ATF5: variants seen among roughly 807,000 people sequenced by gnomAD.
The protein encoded by ATF5 is activating transcription factor 5.
Under a neutral mutation model 4.6 loss-of-function variants are expected in ATF5, and 6 were observed. That is an observed-to-expected ratio of 1.31 (90% confidence interval 0.72 to 2.59). ATF5 has a LOEUF of 2.59. Among genes scored for constraint, ATF5 ranks in the 30% most tolerant of loss-of-function variants. ATF5 has a pLI of 0.00. For missense variants in ATF5, 410 were observed against 368.7 expected, an observed-to-expected ratio of 1.11 and a Z score of -0.92; for synonymous variants, 193 against 165.0, an observed-to-expected ratio of 1.17 and a Z score of -1.30.
chr19:49,932,612 A>G lies in ATF5; in HGVS notation c.369A>G (p.Pro123=), dbSNP rs576627762. ...EDFFLDAPPL[P]PPSPPPLPPP... ...TCTTCCTAGATGCCCCGCCCCTCCC[A>G]CCACCCTCCCCGCCGCCACTACCAC... is the stretch of plus-strand genomic sequence containing the variant. The change falls in exon 3 of 3, where the codon CCA becomes CCG. Residue 123 remains proline (P), a synonymous_variant. Transcript: ENST00000423777. 22 of 982,966 alleles carry G rather than the reference A, an allele frequency of 2.2e-5. No homozygotes were observed. The highest frequency in any genetic ancestry group is 2.9e-5 in the Non-Finnish European group (21 of 723,150). 60.9% of individuals were successfully genotyped at this position (982,966 alleles called of 1,614,324 possible).
upstream of ATF5, chr19:49,929,027 G>A (rs563914335): frequency 1.3e-5 from 2 of 152,358 alleles, no homozygotes; most frequent in African/African-American, 2.4e-5. Context: ...CAGCTGAGAG[G>A]GAGGAGGGTC....
chr19:49,930,691 A>C lies in ATF5; in HGVS notation c.-119-41A>C, dbSNP rs1600588819. 3 of 526,160 alleles carry C rather than the reference A, an allele frequency of 5.7e-6. No homozygotes were observed. The East Asian group carries it at 1.0e-4, about 18-fold the overall frequency. The allele number at this position is 526,160 out of a possible 1,614,324, so 32.6% of individuals were successfully genotyped here. ...TCCCCTTGATTTTGGCCGGTGGATG[A>C]CGCTGTCCTGACCACACCCACTCTT... On this transcript the variant is annotated intron_variant, in intron 1 of 2. Transcript: ENST00000423777.
Position 49,930,986 on chromosome 19 carries a change from G to A in ATF5, c.136G>A (p.Ala46Thr). The A allele has an allele frequency of 1.9e-6, 3 of 1,573,018 alleles. No homozygotes were observed. Among genetic ancestry groups the A allele is most frequent in the Non-Finnish European group, 2.6e-6 (3 of 1,159,904 alleles). Reference protein sequence around the residue: ...PLAPYEVLGGALEGGLPVGGE... With the variant: ...PLAPYEVLGGTLEGGLPVGGE... ...GGCTCCCTATGAGGTCCTTGGGGGAGCCCTGGAGGGCGGGCTTCCAGTGGG... is the reference window on the plus strand; with the variant it reads ...GGCTCCCTATGAGGTCCTTGGGGGAACCCTGGAGGGCGGGCTTCCAGTGGG... Residue 46 changes from alanine to threonine, a missense_variant, in exon 2 of 3, where the codon GCC becomes ACC. Ala to Thr is a moderately conservative substitution (Grantham distance 58, BLOSUM62 0). Coordinates refer to ENST00000423777, the MANE Select transcript of ATF5 (RefSeq NM_001193646.2).
chr19:49,932,529 C>G lies in ATF5; in HGVS notation c.286C>G (p.Pro96Ala). ...GTLPQPSPTP[P>A]DLEAMASLLK... Reference sequence around the variant, plus strand: ...CCTCCCCCAACCTTCCCCAACCCCACCTGACCTGGAAGCTATGGCCTCCCT... The same window carrying G: ...CCTCCCCCAACCTTCCCCAACCCCAGCTGACCTGGAAGCTATGGCCTCCCT... Residue 96 changes from proline (P) to alanine (A), a missense_variant, in exon 3 of 3, where the codon CCT becomes GCT. By Grantham distance (27) the Pro-to-Ala change is conservative (BLOSUM62 -1). Coordinates refer to ENST00000423777, the MANE Select transcript of ATF5 (RefSeq NM_001193646.2). 1 of 1,607,746 alleles carries G rather than the reference C, an allele frequency of 6.2e-7. No homozygotes were observed. Among genetic ancestry groups the G allele is most frequent in the African/African-American group, 1.3e-5 (1 of 74,252 alleles).
chr19:49,933,063 G>A lies in ATF5; in HGVS notation c.820G>A (p.Ala274Thr), dbSNP rs977869005. 1.9e-6 allele frequency: 3 copies of A among 1,600,050 alleles called. No individual in the cohort carries two copies. The highest frequency in any genetic ancestry group is 2.6e-6 in the Non-Finnish European group (3 of 1,169,380). The change falls in exon 3 of 3, where the codon GCC becomes ACC. Residue 274 changes from alanine to threonine, a missense_variant. By Grantham distance (58) the Ala-to-Thr change is moderately conservative. Transcript: ENST00000423777. ...GGACCTGCTCATCGAGGTTTACAAG[G>A]CCCGGAGCCAGAGGACCCGTAGCTG... ...VKDLLIEVYK[A>T]RSQRTRSC
chr19:49,930,457 G>GTTTTT lies in ATF5; in HGVS notation c.-119-269_-119-265dup, dbSNP rs773330574. The GTTTTT allele has an allele frequency of 2.0e-3, 209 of 104,276 alleles. 1 individual carries two copies. Among genetic ancestry groups the GTTTTT allele is most frequent in the African/African-American group, 7.4e-3 (175 of 23,634 alleles). The allele number at this position is 104,276 out of a possible 1,614,324, so 6.5% of individuals were successfully genotyped here. On this transcript the variant is annotated intron_variant, in intron 1 of 2. Coordinates refer to ENST00000423777, the MANE Select transcript of ATF5 (RefSeq NM_001193646.2). ...GGTAATTCCCCTGGGAGACCTTTAG[G>GTTTTT]TTTTTTTTTTCTGTATTGGGGGAAG...
In ATF5 at chr19:49,930,686, G is replaced by A. The variant is rs1015348659; in HGVS notation, c.-119-46G>A. On this transcript the variant is annotated intron_variant, in intron 1 of 2. Transcript: ENST00000423777. ...TGGCTTCCCCTTGATTTTGGCCGGT[G>A]GATGACGCTGTCCTGACCACACCCA... 7.2e-5 allele frequency: 34 copies of A among 472,796 alleles called. No homozygotes were observed. In the Admixed American group the frequency reaches 1.4e-3, roughly 19 times the overall value. The allele number at this position is 472,796 out of a possible 1,614,324, so 29.3% of individuals were successfully genotyped here.
rs775152136 is a variant in ATF5 at position 49,933,136 on chromosome 19, C to T, written c.*44C>T. ...TCTGGGGGCTGGTCTTCAGCTCTGG[C>T]GCCTTCATCCCCCTGCCTCTACCTT... On this transcript the variant is annotated 3_prime_UTR_variant, in exon 3 of 3. Coordinates refer to ENST00000423777, the MANE Select transcript of ATF5 (RefSeq NM_001193646.2). The T allele has an allele frequency of 3.9e-5, 59 of 1,509,002 alleles. No individual in the cohort carries two copies. The highest frequency in any genetic ancestry group is 4.7e-5 in the East Asian group (2 of 42,814). 93.5% of individuals were successfully genotyped at this position (1,509,002 alleles called of 1,614,324 possible).
chr19:49,930,777 C>T lies in ATF5; in HGVS notation c.-74C>T, dbSNP rs2076047656. On this transcript the variant is annotated 5_prime_UTR_variant, in exon 2 of 3. Coordinates refer to ENST00000423777, the MANE Select transcript of ATF5 (RefSeq NM_001193646.2). ...TGCCTGTCTTCGCCCACCTGAGCAT[C>T]CTCCAGAGCCTCGTGCCAGCTGCTG... The T allele has an allele frequency of 3.0e-6, 4 of 1,341,756 alleles. No individual in the cohort carries two copies. The highest frequency in any genetic ancestry group is 1.6e-5 in the South Asian group (1 of 62,564). The allele number at this position is 1,341,756 out of a possible 1,614,324, so 83.1% of individuals were successfully genotyped here. A position where few individuals can be genotyped will look rare whatever the true frequency, so the allele number is the denominator to read the frequency against.
chr19:49,932,506 T>G lies in ATF5; in HGVS notation c.263T>G (p.Leu88Arg). ...PLEPPLPPGT[L>R]PQPSPTPPDL... ...GAGCCTCCCTTACCCCCCGGCACCC[T>G]CCCCCAACCTTCCCCAACCCCACCT... The change falls in exon 3 of 3, where the codon CTC becomes CGC. Residue 88 changes from leucine (L) to arginine (R), a missense_variant. Transcript: ENST00000423777. The G allele has an allele frequency of 1.7e-6, 1 of 588,972 alleles. No homozygotes were observed. The highest frequency in any genetic ancestry group is 2.5e-6 in the Non-Finnish European group (1 of 403,564). 36.5% of individuals were successfully genotyped at this position (588,972 alleles called of 1,614,324 possible).
Position 49,929,350 on chromosome 19 carries a change from CTTCT to C in ATF5, c.-164_-161del, listed in dbSNP as rs2076009526. 1 of 154,570 alleles carries C rather than the reference CTTCT, an allele frequency of 6.5e-6. No individual in the cohort carries two copies. Among genetic ancestry groups the C allele is most frequent in the Non-Finnish European group, 1.4e-5 (1 of 69,902 alleles). 9.6% of individuals were successfully genotyped at this position (154,570 alleles called of 1,614,324 possible). ...CCACGCCTGCGCTCTCCGCTCCCAC[CTTCT>C]TTCTTCAGCCGAGGCCGCCGCCGCC... is the stretch of plus-strand genomic sequence containing the variant. On this transcript the variant is annotated 5_prime_UTR_variant, in exon 1 of 3. Coordinates refer to ENST00000423777, the MANE Select transcript of ATF5 (RefSeq NM_001193646.2).
chr19:49,931,583 GCTGCAGTGAGCCAAGATGATGCCA>G (rs1473188632), intron 2 of ATF5, among the ~76,000 whole-genome samples: 1 of 152,084 alleles, frequency 6.6e-6, no homozygotes, highest in African/African-American at 2.4e-5. Flanking sequence ...GGAGGTCTAG[GCTGCAGTGAGCCAAGATGATGCCA>G]CTGCACTGCA....
rs1193313064 is a variant in ATF5, at chr19:49,932,941, G to C, written c.698G>C (p.Gly233Ala). ...LRYRQRKRAEGEALEGECQGL... is the reference protein window; with the variant it reads ...LRYRQRKRAEAEALEGECQGL... ...TACCGCCAGCGGAAGCGGGCAGAGG[G>C]TGAGGCCCTGGAGGGCGAGTGCCAG... is the stretch of plus-strand genomic sequence containing the variant. Residue 233 changes from glycine to alanine, a missense_variant, in exon 3 of 3, where the codon GGT (glycine) becomes GCT (alanine). Gly to Ala is a moderately conservative substitution (Grantham distance 60, BLOSUM62 0). Transcript: ENST00000423777. The C allele has an allele frequency of 1.2e-6, 2 of 1,613,996 alleles. No homozygotes were observed. Among genetic ancestry groups the C allele is most frequent in the Non-Finnish European group, 1.7e-6 (2 of 1,179,944 alleles).
At chr19:49,929,918 G>A (rs958298262) in intron 1 of ATF5, 1 of 152,298 alleles carries the variant, frequency 6.6e-6, no homozygotes, top group South Asian at 2.1e-4. Context: ...CCTGCCCCAC[G>A]TTGCTCTGGC....
Position 49,932,657 on chromosome 19 carries a change from C to T in ATF5, c.414C>T (p.Ala138=). The change falls in exon 3 of 3, where the codon GCC becomes GCT. Residue 138 remains alanine (A), a synonymous_variant. Transcript: ENST00000423777. Reference sequence around the variant, plus strand: ...TACCACCACCACCACTACCACCAGCCCCCTCCCTCCCCCTGTCCCTCCCCT... The same window carrying T: ...TACCACCACCACCACTACCACCAGCTCCCTCCCTCCCCCTGTCCCTCCCCT... ...PPLPPPPLPP[A]PSLPLSLPSF... is the part of the protein sequence containing the mutation. 3.3e-6 allele frequency: 5 copies of T among 1,502,944 alleles called. No individual in the cohort carries two copies. Among genetic ancestry groups the T allele is most frequent in the Non-Finnish European group, 4.5e-6 (5 of 1,109,512 alleles). The allele number at this position is 1,502,944 out of a possible 1,614,324, so 93.1% of individuals were successfully genotyped here.
Position 49,933,006 on chromosome 19 carries a change from G to A in ATF5, c.763G>A (p.Glu255Lys). The A allele has an allele frequency of 6.2e-7, 1 of 1,613,970 alleles. No homozygotes were observed. The change falls in exon 3 of 3, where the codon GAG (glutamate) becomes AAG (lysine). Residue 255 changes from glutamate (E) to lysine (K), a missense_variant. Transcript: ENST00000423777. ...ARNRELKERAESVEREIQYVK... is the reference protein window; with the variant it reads ...ARNRELKERAKSVEREIQYVK... ...GAATCGCGAGCTGAAGGAACGGGCA[G>A]AGTCCGTGGAGCGCGAGATCCAGTA...
chr19:49,932,320 T>C (rs2076070701), intron 2 of ATF5, 102 bp from the exon 3 acceptor site: 1 of 1,112,072 alleles, frequency 9.0e-7, no homozygotes, highest in Non-Finnish European at 1.4e-6. Context: ...TTTTACTGAA[T>C]GAATGGGACA....
rs377206874 is a variant in ATF5, at chr19:49,933,137, G to A, written c.*45G>A. On this transcript the variant is annotated 3_prime_UTR_variant, in exon 3 of 3. Transcript: ENST00000423777. ...CTGGGGGCTGGTCTTCAGCTCTGGC[G>A]CCTTCATCCCCCTGCCTCTACCTTC... 6.0e-6 allele frequency: 9 copies of A among 1,509,374 alleles called. No homozygotes were observed. The Admixed American group carries it at 8.6e-5, about 14-fold the overall frequency. The allele number at this position is 1,509,374 out of a possible 1,614,324, so 93.5% of individuals were successfully genotyped here.
chr19:49,930,959 C>G lies in ATF5; in HGVS notation c.109C>G (p.Leu37Val). The change falls in exon 2 of 3, where the codon CTG becomes GTG. Residue 37 changes from leucine to valine, a missense_variant. By Grantham distance (32) the Leu-to-Val change is conservative. Coordinates refer to ENST00000423777, the MANE Select transcript of ATF5 (RefSeq NM_001193646.2). ...YGKLPPAPAPLAPYEVLGGAL... is the reference protein window; with the variant it reads ...YGKLPPAPAPVAPYEVLGGAL... ...GAAACTCCCCCCGGCCCCTGCCCCC[C>G]TGGCTCCCTATGAGGTCCTTGGGGG... 6.3e-7 allele frequency: 1 copy of G among 1,594,104 alleles called. No homozygotes were observed. The highest frequency in any genetic ancestry group is 8.5e-7 in the Non-Finnish European group (1 of 1,171,244).
Sources: allele counts gnomAD v4.1 joint callset (sites outside exome capture counted in the v4.1 genomes callset), GRCh38; gene constraint gnomAD v4.1.1; transcripts MANE v1.5; gene names NCBI Gene and HGNC (gene_info 2026-07-23, HGNC 2026-07-21).